Variants in SNCAIP observed in about 807,000 individuals in gnomAD.
SNCAIP encodes synphilin-1.
Under a neutral mutation model 86.7 loss-of-function variants are expected in SNCAIP, and 43 were observed. The ratio of observed to expected loss-of-function variants is 0.50; its 90% CI spans 0.39 to 0.64. The LOEUF is 0.64. SNCAIP is among the 30% of genes least tolerant of loss of function. The pLI, the probability that SNCAIP is intolerant of heterozygous loss-of-function variation, is 0.00. For synonymous variants in SNCAIP, 417 were observed against 427.2 expected, an observed-to-expected ratio of 0.98 and a Z score of 0.29; for missense variants, 981 against 1,103.1, an observed-to-expected ratio of 0.89 and a Z score of 1.57.
intron 6 of SNCAIP, chr5:122,437,021 A>C (rs1779643066): frequency 6.6e-6 from 1 of 152,232 alleles, no homozygotes; most frequent in Non-Finnish European, 1.5e-5. Flanking sequence ...TCTGGGAAAC[A>C]AATGATACAG....
intron 1 of SNCAIP, among the ~76,000 whole-genome samples, chr5:122,387,210 G>A (rs34207034): frequency 0.033 from 5,045 of 152,252 alleles, 128 homozygotes; most frequent in Non-Finnish European, 0.054. Flanking sequence ...CCAGACTGGA[G>A]TGCAGTGGTG....
At position 122,329,236 on chromosome 5, in the gene SNCAIP, A is replaced by G. The variant is rs1754764876; in HGVS notation, c.-47+16952A>G. On this transcript the variant is annotated intron_variant, in intron 1 of 10. Coordinates refer to ENST00000261368, the MANE Select transcript of SNCAIP (RefSeq NM_005460.4). Reference sequence around the variant, plus strand: ...ATTTCCTTTAAAGGAGAAGAAATCAATCTATGCTTTGGAAAGGTAATGTGG... The same window carrying G: ...ATTTCCTTTAAAGGAGAAGAAATCAGTCTATGCTTTGGAAAGGTAATGTGG... Among the ~76,000 whole-genome samples the G allele has an allele frequency of 2.0e-5, 3 of 151,392 alleles. No homozygotes were observed. In the South Asian group the frequency reaches 6.3e-4, roughly 32 times the overall value.
At chr5:122,441,003 T>C (rs1286345362) in intron 7 of SNCAIP, 4 of 478,504 alleles carry the variant, frequency 8.4e-6, no homozygotes, top group Non-Finnish European at 1.5e-5. Flanking sequence ...CCCTTATCAC[T>C]GCTCTAAAGC....
At chr5:122,336,955 G>GCCT (rs1756594018) in intron 1 of SNCAIP, 1 of 152,154 alleles carries the variant, frequency 6.6e-6, no homozygotes. Flanking sequence ...GATGACAGTG[G>GCCT]CCTAGCATCT....
rs1212303157 is a variant in SNCAIP at position 122,330,117 on chromosome 5, C to CTTTTTTTTTTTTT, written c.-47+17843_-47+17855dup. On this transcript the variant is annotated intron_variant, in intron 1 of 10. Coordinates refer to ENST00000261368, the MANE Select transcript of SNCAIP (RefSeq NM_005460.4). ...CTTACCTCCGTGTACAACTTCATTT[C>CTTTTTTTTTTTTT]TTTTTTTTTTTTTTTTTTTTTTGAG... Among the ~76,000 whole-genome samples the CTTTTTTTTTTTTT allele has an allele frequency of 4.2e-4, 41 of 96,824 alleles. 2 individuals carry two copies. Among genetic ancestry groups the CTTTTTTTTTTTTT allele is most frequent in the African/African-American group, 1.5e-3 (35 of 23,260 alleles). The allele number at this position is 96,824 out of a possible 152,430, so 63.5% of individuals were successfully genotyped here.
intron 3 of SNCAIP, among the ~76,000 whole-genome samples, chr5:122,421,546 T>C (rs1002856134): frequency 3.3e-5 from 5 of 152,232 alleles, no homozygotes; most frequent in African/African-American, 1.2e-4. Context: ...TACACCCATC[T>C]CATGTTCTTT....
intron 6 of SNCAIP, among the ~76,000 whole-genome samples, chr5:122,436,077 T>C (rs1476137699): frequency 6.6e-6 from 1 of 152,110 alleles, no homozygotes; most frequent in Non-Finnish European, 1.5e-5. Context: ...TGCGCAATTG[T>C]GGATATCCAT....
chr5:122,354,251 A>G (rs995405859), intron 1 of SNCAIP, among the ~76,000 whole-genome samples: 1 of 152,152 alleles, frequency 6.6e-6, no homozygotes, highest in Non-Finnish European at 1.5e-5. Flanking sequence ...TAAGGCACAG[A>G]CTGGACTTGC....
intron 3 of SNCAIP, among the ~76,000 whole-genome samples, chr5:122,420,549 A>C (rs1776168205): frequency 6.6e-6 from 1 of 151,010 alleles, no homozygotes; most frequent in South Asian, 2.1e-4. Flanking sequence ...CTCAGTAATA[A>C]GAGTGTATCT....
chr5:122,450,809 G>T lies in SNCAIP; in HGVS notation c.1962G>T (p.Lys654Asn). 6.2e-7 allele frequency: 1 copy of T among 1,614,136 alleles called. No homozygotes were observed. The highest frequency in any genetic ancestry group is 8.5e-7 in the Non-Finnish European group (1 of 1,180,010). ...AGGCTTCCTCTAGAAATTCTAAAAAGATCCCACTGGAGAAGAGGGAACTGA... is the reference window on the plus strand; with the variant it reads ...AGGCTTCCTCTAGAAATTCTAAAAATATCCCACTGGAGAAGAGGGAACTGA... ...DAQASSRNSK[K>N]IPLEKRELKL... The change falls in exon 10 of 11, where the codon AAG becomes AAT. Residue 654 changes from lysine (K) to asparagine (N), a missense_variant. By Grantham distance (94) the Lys-to-Asn change is moderately conservative. Transcript: ENST00000261368.
chr5:122,443,908 T>C (rs1477102331), intron 7 of SNCAIP, among the ~76,000 whole-genome samples: 2 of 152,168 alleles, frequency 1.3e-5, no homozygotes, highest in Non-Finnish European at 2.9e-5. Flanking sequence ...TGGGGCAGCC[T>C]ATTGCCAATT....
At chr5:122,397,500 A>G (rs1287336855) in intron 2 of SNCAIP, among the ~76,000 whole-genome samples, 1 of 152,176 alleles carries the variant, frequency 6.6e-6, no homozygotes, top group Non-Finnish European at 1.5e-5. Flanking sequence ...ATGTCTTAGC[A>G]TAAAAGAATT....
chr5:122,449,717 T>C, intron 8 of SNCAIP, 128 bp from the exon 9 acceptor site: 1 of 757,674 alleles, frequency 1.3e-6, no homozygotes. Flanking sequence ...AGGATGAATA[T>C]TATGCACATT....
chr5:122,440,445 T>C (rs1780616584), intron 6 of SNCAIP, 184 bp from the exon 7 acceptor site: 2 of 623,768 alleles, frequency 3.2e-6, no homozygotes. Flanking sequence ...TATGCCGTCC[T>C]CTTTCATTCA....
chr5:122,451,104 G>C lies in SNCAIP; in HGVS notation c.2257G>C (p.Glu753Gln), dbSNP rs1249733040. The C allele has an allele frequency of 5.0e-6, 8 of 1,614,040 alleles. No individual in the cohort carries two copies. Among genetic ancestry groups the C allele is most frequent in the Non-Finnish European group, 6.8e-6 (8 of 1,180,036 alleles). Residue 753 changes from glutamate (E) to glutamine (Q), a missense_variant, in exon 10 of 11, where the codon GAG (glutamate) becomes CAG (glutamine). Coordinates refer to ENST00000261368, the MANE Select transcript of SNCAIP (RefSeq NM_005460.4). ...LDGHSPSPTS[E>Q]SSEPDLESQY... ...TGGCCACAGCCCATCTCCCACCTCA[G>C]AGAGCAGCGAACCAGACTTAGAATC... is the stretch of plus-strand genomic sequence containing the variant.
chr5:122,380,441 A>G (rs1766457938), intron 1 of SNCAIP, among the ~76,000 whole-genome samples: 1 of 149,306 alleles, frequency 6.7e-6, no homozygotes, highest in Non-Finnish European at 1.5e-5. Context: ...TTTTTTCTTC[A>G]TTAGTCTTGC....
intron 1 of SNCAIP, among the ~76,000 whole-genome samples, chr5:122,371,077 G>A (rs970459741): frequency 3.3e-5 from 5 of 152,080 alleles, no homozygotes; most frequent in Non-Finnish European, 5.9e-5. Flanking sequence ...GCCTTGGGAG[G>A]CTGAGGCAGG....
intron 1 of SNCAIP, among the ~76,000 whole-genome samples, chr5:122,387,628 G>T (rs760826416): frequency 6.6e-6 from 1 of 152,144 alleles, no homozygotes. Context: ...CACTTGGCAC[G>T]GCTTCCTCCC....
chr5:122,411,132 G>A (rs1032815369), intron 3 of SNCAIP, among the ~76,000 whole-genome samples: 3 of 152,164 alleles, frequency 2.0e-5, no homozygotes, highest in Non-Finnish European at 4.4e-5. Context: ...TAAAGAAACC[G>A]CCTGTTGGTA....
Sources: allele counts gnomAD v4.1 joint callset (sites outside exome capture counted in the v4.1 genomes callset), GRCh38; gene constraint gnomAD v4.1.1; transcripts MANE v1.5; gene names NCBI Gene and HGNC (gene_info 2026-07-23, HGNC 2026-07-21).